Variants in GPR107 observed in about 807,000 individuals in gnomAD.
The protein encoded by GPR107 is protein GPR107.
A neutral mutation model predicts 75.5 loss-of-function variants in GPR107; 31 were observed. The observed-to-expected ratio is 0.41, with a 90% CI of 0.31 to 0.55. The LOEUF is 0.55. GPR107 is among the 20% of genes least tolerant of loss of function. The probability of loss-of-function intolerance (pLI) is 0.26; values close to 1 mark genes in which losing one functional copy is unlikely to be tolerated. For synonymous variants in GPR107, 267 were observed against 251.3 expected, an observed-to-expected ratio of 1.06 and a Z score of -0.59; for missense variants, 572 against 665.7, an observed-to-expected ratio of 0.86 and a Z score of 1.55.
intron 9 of GPR107, among the ~76,000 whole-genome samples, chr9:130,096,872 T>TA: frequency 6.6e-6 from 1 of 152,258 alleles, no homozygotes; most frequent in African/African-American, 2.4e-5. Flanking sequence ...TACTCAGTAT[T>TA]ATCCTTTCTG....
At position 130,104,548 on chromosome 9, in the gene GPR107, G is replaced by T; in HGVS notation, c.1260G>T (p.Val420=). 1 of 1,613,602 alleles carries T rather than the reference G, an allele frequency of 6.2e-7. No individual in the cohort carries two copies. Among genetic ancestry groups the T allele is most frequent in the African/African-American group, 1.3e-5 (1 of 75,044 alleles). ...GTGGTGCCATCCTCTTCCCAGTGGT[G>T]TGGTGAGTAGCTCACAGGGAGGGAG... ...LCCGAILFPV[V]WSIRHLQEAS... The change falls in exon 13 of 18, where the codon GTG becomes GTT. Residue 420 remains valine (V), a splice_region_variant and synonymous_variant. Coordinates refer to ENST00000347136, the MANE Select transcript of GPR107 (RefSeq NM_020960.5).
In GPR107 at chr9:130,128,688, A is replaced by C; in HGVS notation, c.1489A>C (p.Lys497Gln). The C allele has an allele frequency of 6.2e-7, 1 of 1,611,524 alleles. No homozygotes were observed. Among genetic ancestry groups the C allele is most frequent in the Admixed American group, 1.7e-5 (1 of 60,018 alleles). ...TLVFFVLTGYKFRPASDNPYL... is the reference protein window; with the variant it reads ...TLVFFVLTGYQFRPASDNPYL... ...GGTCTTCTTTGTTCTAACGGGGTAT[A>C]AATTCCGTCCGGCTTCAGATAACCC... Residue 497 changes from lysine (K) to glutamine (Q), a missense_variant, in exon 17 of 18, where the codon AAA (lysine) becomes CAA (glutamine). Transcript: ENST00000347136.
intron 17 of GPR107, among the ~76,000 whole-genome samples, chr9:130,130,454 ACT>A (rs1328888991): frequency 1.3e-5 from 2 of 151,544 alleles, no homozygotes; most frequent in Non-Finnish European, 2.9e-5. Flanking sequence ...ACCTTTCACC[ACT>A]CCCTGCATTA....
intron 7 of GPR107, among the ~76,000 whole-genome samples, chr9:130,090,146 G>C (rs1348887264): frequency 6.6e-6 from 1 of 152,122 alleles, no homozygotes; most frequent in African/African-American, 2.4e-5. Context: ...GTATTTCAGG[G>C]AGATTTCTTT....
chr9:130,099,578 G>T, intron 10 of GPR107, 46 bp downstream of exon 10: 1 of 1,046,532 alleles, frequency 9.6e-7, no homozygotes, highest in Admixed American at 1.8e-5. Context: ...TACGTATAAT[G>T]CCTGTGTGAG....
chr9:130,084,515 C>T (rs913096830), intron 6 of GPR107, among the ~76,000 whole-genome samples: 2 of 149,896 alleles, frequency 1.3e-5, no homozygotes, highest in South Asian at 2.1e-4. Context: ...TGGTGGCTTG[C>T]GCCTGTAATC....
intron 7 of GPR107, 73 bp downstream of exon 7, chr9:130,086,549 G>T: frequency 1.2e-6 from 1 of 862,656 alleles, no homozygotes. Context: ...TTTTTTAGAG[G>T]AATTTTGAAT....
intron 8 of GPR107, 103 bp downstream of exon 8, chr9:130,091,086 G>A (rs1830723250): frequency 1.5e-6 from 1 of 661,160 alleles, no homozygotes; most frequent in Non-Finnish European, 2.7e-6. Context: ...AGAAAAGAAT[G>A]TGGGCAGACA....
At chr9:130,071,318 C>T (rs1296910343) in intron 1 of GPR107, among the ~76,000 whole-genome samples, 5 of 151,356 alleles carry the variant, frequency 3.3e-5, no homozygotes, top group South Asian at 2.1e-4. Flanking sequence ...AGAGCCACCT[C>T]GCCTGGCCCC....
intron 1 of GPR107, among the ~76,000 whole-genome samples, chr9:130,056,871 G>A (rs1302002389): frequency 8.3e-6 from 1 of 120,404 alleles, no homozygotes; most frequent in African/African-American, 3.2e-5. Flanking sequence ...CTTGCAGTGA[G>A]CCAAGATCAC....
At chr9:130,086,127 C>G (rs1830610057) in intron 6 of GPR107, among the ~76,000 whole-genome samples, 1 of 152,088 alleles carries the variant, frequency 6.6e-6, no homozygotes, top group Non-Finnish European at 1.5e-5. Flanking sequence ...CACCCTTAGT[C>G]TGACTGAAGC....
chr9:130,121,751 C>T (rs1337251556), intron 14 of GPR107, among the ~76,000 whole-genome samples: 5 of 152,220 alleles, frequency 3.3e-5, no homozygotes, highest in Non-Finnish European at 7.3e-5. Context: ...CCATGCTTAC[C>T]CCTGTCAGGA....
intron 17 of GPR107, among the ~76,000 whole-genome samples, chr9:130,134,026 T>A (rs1554899587): frequency 1.3e-5 from 2 of 152,216 alleles, no homozygotes; most frequent in Non-Finnish European, 2.9e-5. Flanking sequence ...AGGGATGGGT[T>A]GGGTCCTTGG....
intron 4 of GPR107, among the ~76,000 whole-genome samples, chr9:130,079,123 C>T (rs1162161340): frequency 6.6e-6 from 1 of 152,060 alleles, no homozygotes; most frequent in Non-Finnish European, 1.5e-5. Flanking sequence ...CACACCCGGC[C>T]AGTTTTTTTT....
chr9:130,084,047 CATATATATATAT>C (rs139002438), intron 6 of GPR107, among the ~76,000 whole-genome samples: 1 of 130,908 alleles, frequency 7.6e-6, no homozygotes, highest in Non-Finnish European at 1.6e-5. Context: ...AGAGAGCTAA[CATATATATATAT>C]ATATATATAT....
chr9:130,053,962 C>A lies in GPR107; in HGVS notation c.30C>A (p.Pro10=), dbSNP rs566413292. 1.3e-4 allele frequency: 207 copies of A among 1,555,132 alleles called. No individual in the cohort carries two copies. Among genetic ancestry groups the A allele is most frequent in the Admixed American group, 3.1e-4 (16 of 51,790 alleles). The part of the protein sequence containing the change: MAALAPVGS[P]ASRGPRLAAG... Reference sequence around the variant, plus strand: ...CCGCTCTGGCGCCCGTCGGCTCCCCCGCCTCCCGCGGTCCTAGGCTGGCCG... The same window carrying A: ...CCGCTCTGGCGCCCGTCGGCTCCCCAGCCTCCCGCGGTCCTAGGCTGGCCG... Residue 10 remains proline, a synonymous_variant, in exon 1 of 18, where the codon CCC becomes CCA. Transcript: ENST00000347136.
intron 6 of GPR107, among the ~76,000 whole-genome samples, 164 bp from the exon 7 acceptor site, chr9:130,086,256 T>G (rs1325824728): frequency 6.6e-6 from 1 of 152,216 alleles, no homozygotes; most frequent in African/African-American, 2.4e-5. Context: ...AAAGCAGATT[T>G]CAGCCATCTC....
In GPR107 at chr9:130,077,328, G is replaced by A. The variant is rs1225216846; in HGVS notation, c.336G>A (p.Lys112=). The A allele has an allele frequency of 2.5e-6, 4 of 1,569,376 alleles. No homozygotes were observed. ...AAGATGTGAATTACTGTATTTTAAAGAAACAGTCTGTCTCTGTCACCCTTT... is the reference window on the plus strand; with the variant it reads ...AAGATGTGAATTACTGTATTTTAAAAAAACAGTCTGTCTCTGTCACCCTTT... ...LDEDVNYCIL[K]KQSVSVTLLI... Residue 112 remains lysine, a synonymous_variant, in exon 4 of 18, where the codon AAG becomes AAA. Coordinates refer to ENST00000347136, the MANE Select transcript of GPR107 (RefSeq NM_020960.5).
rs1832000517 is a variant in GPR107, at chr9:130,137,990, A to G, written c.*2869A>G. ...AGCGCTGCTGGCTGTGAAATTTAAT[A>G]AAGTGTGTATGCTTTGCTAGAAAAT... On this transcript the variant is annotated 3_prime_UTR_variant, in exon 18 of 18. Transcript: ENST00000347136. 6.6e-6 allele frequency: 1 copy of G among 152,242 alleles called. No homozygotes were observed. The highest frequency in any genetic ancestry group is 1.5e-5 in the Non-Finnish European group (1 of 68,050). The allele number at this position is 152,242 out of a possible 1,614,324, so 9.4% of individuals were successfully genotyped here. A position where few individuals can be genotyped will look rare whatever the true frequency, so the allele number is the denominator to read the frequency against.
Sources: gnomAD v4.1 joint callset for allele counts (sites outside exome capture counted in the v4.1 genomes callset) on GRCh38, gnomAD v4.1.1 for gene constraint, MANE v1.5 for transcripts, NCBI Gene and HGNC (gene_info 2026-07-23, HGNC 2026-07-21) for gene names.